The following CBL variants were observed in gnomAD, a reference collection of about 807,000 sequenced individuals.
CBL encodes E3 ubiquitin-protein ligase CBL.
In CBL, 45 loss-of-function variants were observed where a neutral mutation model predicts 96.9. The ratio of observed to expected loss-of-function variants is 0.46; its 90% CI spans 0.37 to 0.60. The LOEUF (loss-of-function observed/expected upper bound fraction) is 0.60. CBL is among the 20% of genes least tolerant of loss of function. The pLI, the probability that CBL is intolerant of heterozygous loss-of-function variation, is 0.00. For synonymous variants in CBL, 420 were observed against 426.8 expected (o/e 0.98, Z 0.20); for missense variants, 1,024 against 1,143.5 (o/e 0.90, Z 1.51).
At chr11:119,264,398 C>T (rs867480110) in intron 2 of CBL, among the ~76,000 whole-genome samples, 1 of 68,656 alleles carries the variant, frequency 1.5e-5, no homozygotes, top group Non-Finnish European at 3.1e-5. Flanking sequence ...TTTCTCTTCT[C>T]TTCTCTTCTC....
chr11:119,217,276 C>T (rs747583069), intron 1 of CBL, among the ~76,000 whole-genome samples: 2 of 152,056 alleles, frequency 1.3e-5, no homozygotes, highest in Non-Finnish European at 2.9e-5. Context: ...ACCACAGGCC[C>T]GGCTAATTTT....
chr11:119,301,456 C>T lies in CBL; in HGVS notation c.*1675C>T. On this transcript the variant is annotated 3_prime_UTR_variant, in exon 16 of 16. Coordinates refer to ENST00000264033, the MANE Select transcript of CBL (RefSeq NM_005188.4). ...GAAGCAAGCCTGCTCTTTGATAAAT[C>T]TGTCTTCCTGAAAATCTAAATCATG... is the stretch of plus-strand genomic sequence containing the variant. 1 of 233,258 alleles carries T rather than the reference C, an allele frequency of 4.3e-6. No individual in the cohort carries two copies. Among genetic ancestry groups the T allele is most frequent in the Non-Finnish European group, 8.5e-6 (1 of 118,034 alleles). The allele number at this position is 233,258 out of a possible 1,614,324, so 14.4% of individuals were successfully genotyped here. A position where few individuals can be genotyped will look rare whatever the true frequency, so the allele number is the denominator to read the frequency against.
At chr11:119,277,237 T>TTG (rs1555229973) in intron 6 of CBL, among the ~76,000 whole-genome samples, 4 of 57,902 alleles carry the variant, frequency 6.9e-5, no homozygotes, top group East Asian at 1.8e-3. Context: ...TAAGAATCTG[T>TTG]CGCGCACACA....
chr11:119,232,758 T>C (rs1447471833), intron 2 of CBL, 63 bp downstream of exon 2: 7 of 1,485,950 alleles, frequency 4.7e-6, no homozygotes, highest in African/African-American at 1.4e-5. Context: ...GGGTAACACA[T>C]AGAAGTAGTT....
At chr11:119,243,515 A>AC (rs1491156030) in intron 2 of CBL, among the ~76,000 whole-genome samples, 1 of 96,716 alleles carries the variant, frequency 1.0e-5, no homozygotes, top group African/African-American at 3.6e-5. Context: ...AAAAAAAAAA[A>AC]TTTTTTTTTT....
At position 119,273,854 on chromosome 11, in the gene CBL, C is replaced by T. The variant is rs2135298702; in HGVS notation, c.591-14C>T. The T allele has an allele frequency of 6.2e-7, 1 of 1,612,380 alleles. No individual in the cohort carries two copies. Among genetic ancestry groups the T allele is most frequent in the Non-Finnish European group, 8.5e-7 (1 of 1,178,488 alleles). On this transcript the variant is annotated splice_polypyrimidine_tract_variant and intron_variant, in intron 3 of 15. Coordinates refer to ENST00000264033, the MANE Select transcript of CBL (RefSeq NM_005188.4). ...GTTATTTCACTTTATGCCTCCTCTCCACCCCCTCCCCAGGACAATAGTCCC... is the reference window on the plus strand; with the variant it reads ...GTTATTTCACTTTATGCCTCCTCTCTACCCCCTCCCCAGGACAATAGTCCC...
rs1023360281 is a variant in CBL, at chr11:119,236,342, G to T, written c.443+3647G>T. 3.3e-5 allele frequency among the ~76,000 whole-genome samples: 5 copies of T among 150,324 alleles called. 1 individual carries two copies. Among genetic ancestry groups the T allele is most frequent in the Non-Finnish European group, 7.4e-5 (5 of 67,514 alleles). On this transcript the variant is annotated intron_variant, in intron 2 of 15. Coordinates refer to ENST00000264033, the MANE Select transcript of CBL (RefSeq NM_005188.4). ...AATCACATAACGGTGGCCTTTTGTG[G>T]TTTTTTTTTGTGTGTCTTCTTTCGC...
chr11:119,288,331 G>T (rs1235656347), intron 12 of CBL, among the ~76,000 whole-genome samples: 1 of 152,162 alleles, frequency 6.6e-6, no homozygotes, highest in Non-Finnish European at 1.5e-5. Flanking sequence ...CATATTGGGT[G>T]GTTTAAATAG....
chr11:119,225,680 G>C (rs994729893), intron 1 of CBL, among the ~76,000 whole-genome samples: 22 of 150,254 alleles, frequency 1.5e-4, no homozygotes, highest in Non-Finnish European at 3.0e-4. Flanking sequence ...AAGGTTCTGG[G>C]ATTACAGATG....
At chr11:119,248,384 C>T (rs1949647567) in intron 2 of CBL, among the ~76,000 whole-genome samples, 1 of 152,086 alleles carries the variant, frequency 6.6e-6, no homozygotes, top group African/African-American at 2.4e-5. Context: ...GTCTTTTCAA[C>T]AAATGGTGCT....
At chr11:119,228,463 G>A (rs186659552) in intron 1 of CBL, among the ~76,000 whole-genome samples, 65 of 152,150 alleles carry the variant, frequency 4.3e-4, no homozygotes, top group Non-Finnish European at 7.8e-4. Flanking sequence ...AAAATTAGCC[G>A]GGCATGGTGG....
intron 2 of CBL, among the ~76,000 whole-genome samples, chr11:119,265,799 G>C (rs1414894771): frequency 6.6e-6 from 1 of 152,142 alleles, no homozygotes; most frequent in East Asian, 1.9e-4. Flanking sequence ...CAGGCGGGTG[G>C]ATCACCTAAG....
rs1281749243 is a variant in CBL, at chr11:119,232,443, T to C, written c.196-5T>C. The C allele has an allele frequency of 1.9e-6, 3 of 1,613,428 alleles. No homozygotes were observed. Reference sequence around the variant, plus strand: ...GTAATAGCCCTTCTTTTTCATTTGTTGCAGGTGGTGCGGTTGTGTCAGAAC... The same window carrying C: ...GTAATAGCCCTTCTTTTTCATTTGTCGCAGGTGGTGCGGTTGTGTCAGAAC... On this transcript the variant is annotated splice_polypyrimidine_tract_variant and splice_region_variant and intron_variant, in intron 1 of 15. Transcript: ENST00000264033.
Position 119,232,544 on chromosome 11 carries a change from A to G in CBL, c.292A>G (p.Ile98Val), listed in dbSNP as rs1415440583. Residue 98 changes from isoleucine to valine, a missense_variant, in exon 2 of 16, where the codon ATC becomes GTC. This residue lies in a region of CBL where 192 missense variants were observed against 321.8 expected (regional missense o/e 0.60). Transcript: ENST00000264033. ...AGATACCTACCAGCATCTCCGTACT[A>G]TCTTGTCAAGATATGAGGGGAAGAT... ...LPDTYQHLRT[I>V]LSRYEGKMET... 3 of 1,614,042 alleles carry G rather than the reference A, an allele frequency of 1.9e-6. No homozygotes were observed. The highest frequency in any genetic ancestry group is 1.3e-5 in the African/African-American group (1 of 74,930).
chr11:119,230,165 T>G (rs1025399176), intron 1 of CBL, among the ~76,000 whole-genome samples: 1 of 151,886 alleles, frequency 6.6e-6, no homozygotes, highest in Non-Finnish European at 1.5e-5. Flanking sequence ...TTTGTTTTTT[T>G]TTTTGAGACG....
At chr11:119,287,122 A>C (rs1949990201) in intron 11 of CBL, among the ~76,000 whole-genome samples, 1 of 152,218 alleles carries the variant, frequency 6.6e-6, no homozygotes, top group Non-Finnish European at 1.5e-5. Flanking sequence ...AGCCAGTACT[A>C]AATGAGCAAG....
chr11:119,213,085 G>A (rs1949331143), intron 1 of CBL, among the ~76,000 whole-genome samples: 1 of 151,788 alleles, frequency 6.6e-6, no homozygotes, highest in Non-Finnish European at 1.5e-5. Flanking sequence ...ACAGTGTTGG[G>A]ATTACAGGCT....
At chr11:119,258,265 A>T (rs1441033789) in intron 2 of CBL, among the ~76,000 whole-genome samples, 1 of 152,090 alleles carries the variant, frequency 6.6e-6, no homozygotes, top group East Asian at 1.9e-4. Context: ...AAGACTTGAG[A>T]CTGTAATTTT....
chr11:119,223,884 C>G lies in CBL; in HGVS notation c.196-8564C>G, dbSNP rs775690804. ...TCATGATCTGCCCACTGCAGCCTCC[C>G]GAAGTGCTGGGATTACAGGTGTGAG... On this transcript the variant is annotated intron_variant, in intron 1 of 15. Transcript: ENST00000264033. Among the ~76,000 whole-genome samples, 23 of 152,230 alleles carry G rather than the reference C, an allele frequency of 1.5e-4. 1 individual carries two copies. Among genetic ancestry groups the G allele is most frequent in the African/African-American group, 5.5e-4 (23 of 41,560 alleles).
Sources: allele counts gnomAD v4.1 joint callset (sites outside exome capture counted in the v4.1 genomes callset), GRCh38; gene constraint gnomAD v4.1.1; regional missense constraint gnomAD v4.1.1; transcripts MANE v1.5; gene names NCBI Gene and HGNC (gene_info 2026-07-23, HGNC 2026-07-21).